Variants in SGCD observed in about 807,000 individuals in gnomAD.
The protein encoded by SGCD is delta-sarcoglycan.
SGCD carries 18 observed loss-of-function variants against 36.6 expected under a neutral mutation model. The ratio of observed to expected loss-of-function variants is 0.49; its 90% confidence interval spans 0.34 to 0.73. SGCD has a LOEUF of 0.73. Ranked by LOEUF, SGCD falls within the 30% of genes least tolerant of loss-of-function variation. SGCD has a pLI of 0.01. For synonymous variants in SGCD, 133 were observed against 130.6 expected, an observed-to-expected ratio of 1.02 and a Z score of -0.12; for missense variants, 387 against 346.7, an observed-to-expected ratio of 1.12 and a Z score of -0.92.
At chr5:156,416,207 G>A (rs1773021408) in intron 3 of SGCD, among the ~76,000 whole-genome samples, 1 of 152,190 alleles carries the variant, frequency 6.6e-6, no homozygotes, top group South Asian at 2.1e-4. Context: ...TAAAATAATG[G>A]CATTCACAGC....
At chr5:156,616,603 C>A (rs1363273983) in intron 6 of SGCD, among the ~76,000 whole-genome samples, 2 of 152,108 alleles carry the variant, frequency 1.3e-5, no homozygotes, top group African/African-American at 4.8e-5. Context: ...CACAATGGTA[C>A]CAAGCATGTT....
intron 3 of SGCD, among the ~76,000 whole-genome samples, chr5:156,465,446 T>A (rs1754680911): frequency 6.6e-6 from 1 of 152,222 alleles, no homozygotes; most frequent in Non-Finnish European, 1.5e-5. Flanking sequence ...CAGTTACTTC[T>A]GGTAAGGTTC....
Position 155,883,519 on chromosome 5 carries a change from CAA to C in SGCD, c.-282+13096_-282+13097del, listed in dbSNP as rs200039185. ...TATGTCTCAGGGAATAGGGAGTCCC[CAA>C]GAGAGAGATGGAAGAATGGCTGGTT... On this transcript the variant is annotated intron_variant, in intron 1 of 9. Transcript: ENST00000517913. 9.7e-3 allele frequency among the ~76,000 whole-genome samples: 1,468 copies of C among 152,050 alleles called. 9 individuals carry two copies. The highest frequency in any genetic ancestry group is 0.024 in the East Asian group (125 of 5,170).
chr5:156,071,591 A>G (rs1312566554), intron 1 of SGCD, among the ~76,000 whole-genome samples: 4 of 152,152 alleles, frequency 2.6e-5, no homozygotes, highest in African/African-American at 4.8e-5. Flanking sequence ...GTGTTGCTGA[A>G]AAAAATGTAT....
intron 3 of SGCD, among the ~76,000 whole-genome samples, chr5:156,275,908 A>G (rs1311122479): frequency 6.6e-6 from 1 of 152,166 alleles, no homozygotes; most frequent in East Asian, 1.9e-4. Context: ...CCATTTATTG[A>G]ACATTTTCCA....
At chr5:156,317,988 T>C (rs958978608) in intron 3 of SGCD, among the ~76,000 whole-genome samples, 1 of 152,116 alleles carries the variant, frequency 6.6e-6, no homozygotes, top group Non-Finnish European at 1.5e-5. Flanking sequence ...TTTGAAGATA[T>C]TATAGTAGTT....
the SGCD span, among the ~76,000 whole-genome samples, chr5:155,833,053 C>CAAAAAAAA: frequency 1.7e-3 from 150 of 90,206 alleles, no homozygotes; most frequent in Non-Finnish European, 2.9e-3. Context: ...ACTAAAAATA[C>CAAAAAAAA]GAAAAAAAAA....
chr5:156,611,313 C>T (rs1258833255), intron 6 of SGCD, among the ~76,000 whole-genome samples: 1 of 152,198 alleles, frequency 6.6e-6, no homozygotes, highest in African/African-American at 2.4e-5. Context: ...ATGACGAATT[C>T]CCTCAGCTTT....
the SGCD span, among the ~76,000 whole-genome samples, chr5:155,733,544 G>A: frequency 6.6e-6 from 1 of 151,974 alleles, no homozygotes. Flanking sequence ...TCTGATACAT[G>A]TATTTTAAAT....
chr5:156,104,736 G>T (rs150830555), intron 1 of SGCD, among the ~76,000 whole-genome samples: 1 of 152,298 alleles, frequency 6.6e-6, no homozygotes, highest in African/African-American at 2.4e-5. Context: ...TAGCAAAATT[G>T]ATAAAATCTT....
intron 7 of SGCD, among the ~76,000 whole-genome samples, chr5:156,675,706 T>C (rs1269056539): frequency 1.3e-5 from 2 of 152,190 alleles, no homozygotes; most frequent in African/African-American, 4.8e-5. Context: ...GCATTCCTAC[T>C]GCAAAGAGTT....
chr5:155,899,501 A>G (rs1756339913), intron 1 of SGCD, among the ~76,000 whole-genome samples: 3 of 152,208 alleles, frequency 2.0e-5, no homozygotes, highest in Admixed American at 2.0e-4. Flanking sequence ...TGTTCTTTCC[A>G]TGTCATGCAC....
intron 3 of SGCD, among the ~76,000 whole-genome samples, chr5:156,383,570 C>A (rs886304229): frequency 1.3e-5 from 2 of 152,040 alleles, no homozygotes; most frequent in Non-Finnish European, 2.9e-5. Context: ...AGTCCTGGGG[C>A]TGCTCTGCTT....
chr5:156,526,281 T>A (rs1757637636), intron 4 of SGCD, among the ~76,000 whole-genome samples: 1 of 152,122 alleles, frequency 6.6e-6, no homozygotes, highest in Non-Finnish European at 1.5e-5. Flanking sequence ...GTGAGAACTA[T>A]CATGGGATGG....
chr5:155,980,729 C>A (rs543546676), intron 1 of SGCD, among the ~76,000 whole-genome samples: 1 of 149,470 alleles, frequency 6.7e-6, no homozygotes, highest in East Asian at 2.0e-4. Flanking sequence ...CTTTTATTGA[C>A]CCTTTATTTA....
intron 4 of SGCD, among the ~76,000 whole-genome samples, chr5:156,543,008 G>T (rs1368937021): frequency 6.6e-6 from 1 of 152,168 alleles, no homozygotes. Flanking sequence ...ACAGAAATCT[G>T]CATGAGGGCA....
intron 4 of SGCD, among the ~76,000 whole-genome samples, chr5:156,571,408 T>C (rs1326452759): frequency 6.6e-6 from 1 of 152,136 alleles, no homozygotes; most frequent in African/African-American, 2.4e-5. Flanking sequence ...TTCTTTTTTA[T>C]TCCCTCTCTT....
chr5:156,450,418 G>T (rs538114763), intron 3 of SGCD, among the ~76,000 whole-genome samples: 1 of 152,060 alleles, frequency 6.6e-6, no homozygotes, highest in African/African-American at 2.4e-5. Flanking sequence ...CAGGAATTTG[G>T]TTCAGAAAGA....
chr5:155,869,645 T>C (rs1179667393), upstream of SGCD, among the ~76,000 whole-genome samples: 1 of 32,644 alleles, frequency 3.1e-5, no homozygotes, highest in Non-Finnish European at 4.5e-5. Context: ...CTTTGGCAGA[T>C]TTTTTTTTTT....
Sources: allele counts gnomAD v4.1 joint callset (sites outside exome capture counted in the v4.1 genomes callset), GRCh38; gene constraint gnomAD v4.1.1; transcripts MANE v1.5; gene names NCBI Gene and HGNC (gene_info 2026-07-23, HGNC 2026-07-21).